The following TBC1D20 variants were observed in gnomAD, a reference collection of about 807,000 sequenced individuals.
TBC1D20 encodes chromosome 20 open reading frame 140.
In TBC1D20, 12 loss-of-function variants were observed where a neutral mutation model predicts 41.6. The ratio of observed to expected loss-of-function variants is 0.29; its 90% CI spans 0.18 to 0.47. TBC1D20 has a LOEUF of 0.47. Among genes scored for constraint, TBC1D20 ranks in the 20% least tolerant of loss-of-function variants. The pLI, the probability that TBC1D20 is intolerant of heterozygous loss-of-function variation, is 1.00. For missense variants in TBC1D20, 421 were observed against 517.4 expected (o/e 0.81, Z 1.81); for synonymous variants, 205 against 204.8 (o/e 1.00, Z -0.01).
Position 442,003 on chromosome 20 carries a change from C to T in TBC1D20, c.378G>A (p.Leu126=), listed in dbSNP as rs1483771941. 1 of 1,613,920 alleles carries T rather than the reference C, an allele frequency of 6.2e-7. No individual in the cohort carries two copies. Among genetic ancestry groups the T allele is most frequent in the Admixed American group, 1.7e-5 (1 of 60,012 alleles). The change falls in exon 4 of 8, where the codon CTG becomes CTA. Residue 126 remains leucine (L), a synonymous_variant. Transcript: ENST00000354200. ...CCAAGATGAGGAGGATGATGTCAAT[C>T]AGTTCTTCCTGGAGCCCTTCTCTCT... The part of the protein sequence containing the change: ...EEQREGLQEE[L]IDIILLILER...
At chr20:451,959 T>C (rs1447343648) in intron 1 of TBC1D20, among the ~76,000 whole-genome samples, 1 of 152,236 alleles carries the variant, frequency 6.6e-6, no homozygotes, top group Non-Finnish European at 1.5e-5. Flanking sequence ...TGTTCATTTT[T>C]AAATTTTATT....
chr20:454,480 G>A lies in TBC1D20; in HGVS notation c.71-6406C>T, dbSNP rs11907460. Among the ~76,000 whole-genome samples the A allele has an allele frequency of 9.3e-3, 1,421 of 152,086 alleles. 20 individuals carry two copies. Among genetic ancestry groups the A allele is most frequent in the African/African-American group, 0.032 (1,342 of 41,486 alleles). ...TTATGTAGTATATATTAGGTGCAAG[G>A]CACCAGAGTTCATTTGAAGTGGAAG... On this transcript the variant is annotated intron_variant, in intron 1 of 7. Transcript: ENST00000354200.
chr20:440,171 G>C (rs1007747438), intron 6 of TBC1D20, 77 bp downstream of exon 6: 2 of 1,532,448 alleles, frequency 1.3e-6, no homozygotes, highest in Admixed American at 1.9e-5. Context: ...ATAATCCCCA[G>C]GTTTCCCTTC....
At chr20:447,621 G>A (rs548697036) in intron 2 of TBC1D20, among the ~76,000 whole-genome samples, 19 of 152,194 alleles carry the variant, frequency 1.2e-4, no homozygotes, top group African/African-American at 4.3e-4. Context: ...TTGTGCCACC[G>A]CACTCCAGCC....
intron 6 of TBC1D20, 137 bp downstream of exon 6, chr20:440,111 A>G (rs1410306425): frequency 1.8e-6 from 2 of 1,102,636 alleles, no homozygotes; most frequent in Non-Finnish European, 2.6e-6. Context: ...ACTGCACAGA[A>G]TGGTGTCCAG....
intron 1 of TBC1D20, among the ~76,000 whole-genome samples, chr20:460,856 G>A (rs1332115139): frequency 6.6e-6 from 1 of 152,134 alleles, no homozygotes; most frequent in African/African-American, 2.4e-5. Flanking sequence ...AACTAGAGGG[G>A]GTAAAGTCTT....
At position 445,139 on chromosome 20, in the gene TBC1D20, G is replaced by T; in HGVS notation, c.257-9C>A. 6.3e-7 allele frequency: 1 copy of T among 1,585,240 alleles called. No individual in the cohort carries two copies. The highest frequency in any genetic ancestry group is 2.3e-5 in the East Asian group (1 of 43,586). On this transcript the variant is annotated splice_polypyrimidine_tract_variant and intron_variant, in intron 2 of 7. Coordinates refer to ENST00000354200, the MANE Select transcript of TBC1D20 (RefSeq NM_144628.4). Reference sequence around the variant, plus strand: ...CTGCCGTAGGTTCTTCCCTATTGAAGGAAAAGGCACGTTATTGCAGGAATG... The same window carrying T: ...CTGCCGTAGGTTCTTCCCTATTGAATGAAAAGGCACGTTATTGCAGGAATG...
intron 3 of TBC1D20, among the ~76,000 whole-genome samples, chr20:444,741 A>G (rs1457209151): frequency 2.6e-5 from 4 of 152,160 alleles, no homozygotes; most frequent in South Asian, 2.1e-4. Flanking sequence ...TTGGTGCCCA[A>G]TTCCACACCA....
At chr20:446,984 CTG>C (rs2017345429) in intron 2 of TBC1D20, among the ~76,000 whole-genome samples, 1 of 127,186 alleles carries the variant, frequency 7.9e-6, no homozygotes. Context: ...GAGTCTCACT[CTG>C]TCACCCAGGC....
At chr20:448,275 G>C (rs1053789931) in intron 1 of TBC1D20, among the ~76,000 whole-genome samples, 1 of 152,148 alleles carries the variant, frequency 6.6e-6, no homozygotes, top group East Asian at 1.9e-4. Flanking sequence ...GGGAGGCTTG[G>C]AGAGCCCACT....
rs1485489495 is a variant in TBC1D20, at chr20:437,784, A to G, written c.*802T>C. 6.5e-6 allele frequency: 1 copy of G among 153,544 alleles called. No individual in the cohort carries two copies. The highest frequency in any genetic ancestry group is 1.5e-5 in the Non-Finnish European group (1 of 68,008). The allele number at this position is 153,544 out of a possible 1,614,324, so 9.5% of individuals were successfully genotyped here. ...GATGAGAACTATTTTTTTTTCCGTG[A>G]AGGAACTATTATTACTTTAAAAGTG... On this transcript the variant is annotated 3_prime_UTR_variant, in exon 8 of 8. Transcript: ENST00000354200.
chr20:438,977 T>G, intron 7 of TBC1D20, 131 bp downstream of exon 7: 1 of 1,453,892 alleles, frequency 6.9e-7, no homozygotes, highest in Non-Finnish European at 9.3e-7. Context: ...ATGTCTACAG[T>G]GGGGATTCCA....
At position 439,236 on chromosome 20, in the gene TBC1D20, G is replaced by A. The variant is rs2017179516; in HGVS notation, c.828C>T (p.His276=). The A allele has an allele frequency of 6.2e-7, 1 of 1,614,072 alleles. No individual in the cohort carries two copies. Among genetic ancestry groups the A allele is most frequent in the African/African-American group, 1.3e-5 (1 of 74,942 alleles). Residue 276 remains histidine (H), a synonymous_variant, in exon 7 of 8, where the codon CAC becomes CAT. Transcript: ENST00000354200. This position sits in a 1 kb window ranked among gnomAD's most constrained non-coding sequence, Gnocchi z 4.6. ...LDCDCDMASV[H]HLLSQIPQDL... ...CCTGAGGGATCTGGGACAACAGGTGGTGGACCGAGGCCATGTCACAGTCAC... is the reference window on the plus strand; with the variant it reads ...CCTGAGGGATCTGGGACAACAGGTGATGGACCGAGGCCATGTCACAGTCAC...
chr20:461,391 G>T (rs1308419553), intron 1 of TBC1D20, among the ~76,000 whole-genome samples: 1 of 152,154 alleles, frequency 6.6e-6, no homozygotes, highest in African/African-American at 2.4e-5. Flanking sequence ...TTGAGATAGG[G>T]TCTCCATCTG....
chr20:446,067 C>T (rs1411401466), intron 2 of TBC1D20, among the ~76,000 whole-genome samples: 1 of 152,270 alleles, frequency 6.6e-6, no homozygotes, highest in East Asian at 1.9e-4. Context: ...CAATCATCTC[C>T]AGTACCTGGC....
chr20:455,540 C>A (rs975017818), intron 1 of TBC1D20, among the ~76,000 whole-genome samples: 5 of 152,074 alleles, frequency 3.3e-5, no homozygotes, highest in Non-Finnish European at 7.3e-5. Flanking sequence ...ATCGCTTGAA[C>A]CCGGGAGGCG....
chr20:438,448 C>G lies in TBC1D20; in HGVS notation c.*138G>C, dbSNP rs2017159045. On this transcript the variant is annotated 3_prime_UTR_variant, in exon 8 of 8. Transcript: ENST00000354200. ...CTGGCCTCTGAAGTAAAGGCAAACACAAACGGGCAGGGCAGGGTGGCAGGA... is the reference window on the plus strand; with the variant it reads ...CTGGCCTCTGAAGTAAAGGCAAACAGAAACGGGCAGGGCAGGGTGGCAGGA... The G allele has an allele frequency of 9.4e-7, 1 of 1,059,864 alleles. No individual in the cohort carries two copies. The highest frequency in any genetic ancestry group is 1.4e-6 in the Non-Finnish European group (1 of 737,502). The allele number at this position is 1,059,864 out of a possible 1,614,324, so 65.7% of individuals were successfully genotyped here. A position where few individuals can be genotyped will look rare whatever the true frequency, so the allele number is the denominator to read the frequency against.
intron 2 of TBC1D20, among the ~76,000 whole-genome samples, chr20:445,780 G>A (rs967843916): frequency 6.6e-5 from 10 of 152,174 alleles, no homozygotes; most frequent in Admixed American, 2.6e-4. Context: ...TATAATAAGC[G>A]TACATTTCTC....
chr20:438,330 G>C lies in TBC1D20; in HGVS notation c.*256C>G, dbSNP rs6107329. ...AACCCACTTCCTCCAACACCAGGGA[G>C]GTGGCAGAGAGCCCATCCAAAAGCC... is the stretch of plus-strand genomic sequence containing the variant. On this transcript the variant is annotated 3_prime_UTR_variant, in exon 8 of 8. Coordinates refer to ENST00000354200, the MANE Select transcript of TBC1D20 (RefSeq NM_144628.4). The C allele has an allele frequency of 2.9e-3, 1,442 of 505,010 alleles. 8 individuals are homozygous for C. The highest frequency in any genetic ancestry group is 0.024 in the African/African-American group (1,270 of 51,994). 31.3% of individuals were successfully genotyped at this position (505,010 alleles called of 1,614,324 possible). A position where few individuals can be genotyped will look rare whatever the true frequency, so the allele number is the denominator to read the frequency against.
Sources: gnomAD v4.1 joint callset for allele counts (sites outside exome capture counted in the v4.1 genomes callset) on GRCh38, gnomAD v4.1.1 for gene constraint, Gnocchi (gnomAD v3.1) non-coding constraint, MANE v1.5 for transcripts, NCBI Gene and HGNC (gene_info 2026-07-23, HGNC 2026-07-21) for gene names.